The following TTC39B variants were observed in gnomAD, a reference collection of about 807,000 sequenced individuals.
The protein encoded by TTC39B is tetratricopeptide repeat protein 39B.
TTC39B carries 92 observed loss-of-function variants against 96.6 expected under a neutral mutation model. The observed-to-expected ratio is 0.95, with a 90% CI of 0.80 to 1.13. The LOEUF is 1.13. Ranked by LOEUF, TTC39B falls within the 50% of genes most tolerant of loss-of-function variation. TTC39B has a pLI of 0.00. For missense variants in TTC39B, 955 were observed against 809.3 expected (o/e 1.18, Z -2.18); for synonymous variants, 367 against 299.4 (o/e 1.23, Z -2.33).
At chr9:15,303,628 GA>G (rs533747668) in intron 1 of TTC39B, among the ~76,000 whole-genome samples, 69 of 151,458 alleles carry the variant, frequency 4.6e-4, no homozygotes, top group Non-Finnish European at 6.2e-4. Context: ...TTTCATATGA[GA>G]AAAATTTTTT....
chr9:15,218,564 G>A (rs1179986327), intron 3 of TTC39B, among the ~76,000 whole-genome samples: 1 of 150,970 alleles, frequency 6.6e-6, no homozygotes, highest in African/African-American at 2.4e-5. Flanking sequence ...TCAGTGAGGT[G>A]ACGACTCCTC....
intron 2 of TTC39B, among the ~76,000 whole-genome samples, chr9:15,241,292 G>A (rs1320325838): frequency 1.3e-5 from 2 of 148,764 alleles, no homozygotes; most frequent in Admixed American, 6.7e-5. Context: ...AGAATGCAAG[G>A]TTAAAAAAAA....
intron 7 of TTC39B, among the ~76,000 whole-genome samples, chr9:15,200,196 G>T (rs1819452630): frequency 1.3e-5 from 2 of 152,052 alleles, no homozygotes; most frequent in African/African-American, 4.8e-5. Flanking sequence ...TCACCAATTA[G>T]GGGCCATATG....
At chr9:15,190,811 T>C in intron 10 of TTC39B, 149 bp from the exon 11 acceptor site, 1 of 684,016 alleles carries the variant, frequency 1.5e-6, no homozygotes, top group Non-Finnish European at 2.5e-6. Flanking sequence ...AGTGTCCCTA[T>C]CACCGCAAGA....
At chr9:15,217,900 G>A (rs551222086) in intron 3 of TTC39B, among the ~76,000 whole-genome samples, 1 of 152,240 alleles carries the variant, frequency 6.6e-6, no homozygotes, top group African/African-American at 2.4e-5. Flanking sequence ...GGAATGATGA[G>A]CAAGGCAATT....
intron 1 of TTC39B, among the ~76,000 whole-genome samples, chr9:15,279,885 T>C (rs982564141): frequency 2.7e-5 from 4 of 147,948 alleles, no homozygotes; most frequent in African/African-American, 1.0e-4. Context: ...AGTACTTTTT[T>C]TCTTTTCTTT....
intron 1 of TTC39B, among the ~76,000 whole-genome samples, chr9:15,298,391 G>T (rs1257151932): frequency 6.6e-6 from 1 of 152,126 alleles, no homozygotes; most frequent in African/African-American, 2.4e-5. Context: ...AAATACCCAA[G>T]ACTGCATAAT....
At chr9:15,213,365 G>C (rs889529018) in intron 4 of TTC39B, among the ~76,000 whole-genome samples, 1 of 152,194 alleles carries the variant, frequency 6.6e-6, no homozygotes. Flanking sequence ...TTCTTAACCT[G>C]TGAAACAATA....
chr9:15,182,288 G>T lies in TTC39B; in HGVS notation c.1723+19C>A. Reference sequence around the variant, plus strand: ...GGAGCAGAGACAAAGGCTCCTCGGTGCTTACTGTGTATACTTACTTTGACT... The same window carrying T: ...GGAGCAGAGACAAAGGCTCCTCGGTTCTTACTGTGTATACTTACTTTGACT... On this transcript the variant is annotated intron_variant, in intron 17 of 19. Transcript: ENST00000512701. 3.9e-6 allele frequency: 6 copies of T among 1,529,000 alleles called. No homozygotes were observed. Among genetic ancestry groups the T allele is most frequent in the Non-Finnish European group, 5.4e-6 (6 of 1,113,808 alleles). 94.7% of individuals were successfully genotyped at this position (1,529,000 alleles called of 1,614,324 possible). A position where few individuals can be genotyped will look rare whatever the true frequency, so the allele number is the denominator to read the frequency against.
intron 16 of TTC39B, among the ~76,000 whole-genome samples, chr9:15,184,083 A>C (rs1242427125): frequency 6.6e-6 from 1 of 152,232 alleles, no homozygotes; most frequent in Non-Finnish European, 1.5e-5. Context: ...AAATTAGGAA[A>C]GAATATGAAC....
chr9:15,208,103 C>T (rs562860758), intron 6 of TTC39B, among the ~76,000 whole-genome samples: 243 of 151,310 alleles, frequency 1.6e-3, no homozygotes, highest in South Asian at 4.4e-3. Flanking sequence ...GATCTCGGCT[C>T]ACTGCAACCT....
chr9:15,195,019 G>A (rs959332843), intron 8 of TTC39B, among the ~76,000 whole-genome samples: 15 of 152,194 alleles, frequency 9.9e-5, no homozygotes, highest in African/African-American at 3.1e-4. Context: ...ATAATTAAGC[G>A]TAGTGAGGAA....
intron 6 of TTC39B, among the ~76,000 whole-genome samples, chr9:15,208,810 A>T (rs532692012): frequency 6.6e-6 from 1 of 152,292 alleles, no homozygotes; most frequent in African/African-American, 2.4e-5. Context: ...CCTCTCCTAT[A>T]ATCAATACTC....
intron 2 of TTC39B, among the ~76,000 whole-genome samples, chr9:15,242,069 T>A (rs1822068302): frequency 1.3e-5 from 2 of 152,102 alleles, no homozygotes; most frequent in African/African-American, 2.4e-5. Flanking sequence ...CTTAAAAATA[T>A]AATTATCTCT....
At chr9:15,182,396 T>C (rs1818295599) in exon 17 of TTC39B, 1 of 1,611,264 alleles carries the variant, frequency 6.2e-7, no homozygotes, top group Non-Finnish European at 8.5e-7. Context: ...TGAAAAACCA[T>C]TCCAGACATA....
At position 15,306,026 on chromosome 9, in the gene TTC39B, G is replaced by C. The variant is rs1363667347; in HGVS notation, c.240+1058C>G. On this transcript the variant is annotated intron_variant, in intron 1 of 19. Coordinates refer to ENST00000512701, the Ensembl canonical transcript of TTC39B. This position sits in a 1 kb window ranked among gnomAD's most constrained non-coding sequence, Gnocchi z 5.1. ...TTTTGTTTTTTGTTTATTTTACGGA[G>C]CACATTTAAAGTATAGTCTTCCTTG... Among the ~76,000 whole-genome samples, 1 of 152,094 alleles carries C rather than the reference G, an allele frequency of 6.6e-6. No homozygotes were observed. The highest frequency in any genetic ancestry group is 2.4e-5 in the African/African-American group (1 of 41,412).
intron 19 of TTC39B, 43 bp downstream of exon 19, chr9:15,174,973 TTTC>T (rs1479295086): frequency 7.9e-7 from 1 of 1,261,510 alleles, no homozygotes; most frequent in Non-Finnish European, 1.2e-6. Context: ...AGTACTGACA[TTTC>T]TGACTCCATA....
chr9:15,266,135 A>C (rs760074736), intron 2 of TTC39B, among the ~76,000 whole-genome samples: 11 of 152,230 alleles, frequency 7.2e-5, no homozygotes, highest in Non-Finnish European at 1.5e-4. Context: ...AGAAATTAAT[A>C]ATAGAGAAAA....
intron 6 of TTC39B, among the ~76,000 whole-genome samples, chr9:15,204,854 TCCCAGGGA>T (rs1413482675): frequency 6.6e-6 from 1 of 152,120 alleles, no homozygotes; most frequent in African/African-American, 2.4e-5. Context: ...GCTCTGTGCA[TCCCAGGGA>T]CCTGCGGAGT....
Sources: allele counts gnomAD v4.1 joint callset (sites outside exome capture counted in the v4.1 genomes callset), GRCh38; gene constraint gnomAD v4.1.1; non-coding constraint Gnocchi (gnomAD v3.1); transcripts MANE v1.5; gene names NCBI Gene and HGNC (gene_info 2026-07-23, HGNC 2026-07-21).